CTNNA3: variants seen among roughly 807,000 people sequenced by gnomAD.
The protein encoded by CTNNA3 is catenin alpha-3.
CTNNA3 carries 76 observed loss-of-function variants against 95.7 expected under a neutral mutation model. The observed-to-expected ratio is 0.79, with a 90% CI of 0.66 to 0.96. CTNNA3 has a LOEUF of 0.96. CTNNA3 is among the 40% of genes least tolerant of loss of function. The pLI is 0.00. For synonymous variants in CTNNA3, 431 were observed against 374.4 expected (o/e 1.15, Z -1.74); for missense variants, 1,191 against 1,089.8 (o/e 1.09, Z -1.31).
intron 5 of CTNNA3, among the ~76,000 whole-genome samples, chr10:67,404,265 T>TAA (rs1845045923): frequency 6.6e-6 from 1 of 151,754 alleles, no homozygotes; most frequent in African/African-American, 2.4e-5. Flanking sequence ...TTCACTGAGC[T>TAA]AAAGGAGCAC....
chr10:66,401,369 T>TA (rs1487601648), intron 11 of CTNNA3, among the ~76,000 whole-genome samples: 4 of 151,922 alleles, frequency 2.6e-5, no homozygotes, highest in Non-Finnish European at 4.4e-5. Context: ...CTACTAAAAA[T>TA]AAAAAAATTA....
At chr10:67,370,901 C>G (rs1843407403) in intron 5 of CTNNA3, among the ~76,000 whole-genome samples, 1 of 145,862 alleles carries the variant, frequency 6.9e-6, no homozygotes, top group South Asian at 2.1e-4. Flanking sequence ...GAGTCTCGCT[C>G]TGTCGCCCAG....
chr10:66,579,211 T>C (rs1843106118), intron 10 of CTNNA3, among the ~76,000 whole-genome samples: 2 of 151,894 alleles, frequency 1.3e-5, no homozygotes, highest in South Asian at 4.1e-4. Context: ...TTGTATTTAT[T>C]TGGTTCTTCT....
intron 11 of CTNNA3, among the ~76,000 whole-genome samples, chr10:66,476,225 T>C (rs1235200569): frequency 2.0e-5 from 3 of 151,668 alleles, no homozygotes; most frequent in Non-Finnish European, 4.4e-5. Context: ...ACGGGGGATG[T>C]GGGGAGGGAG....
chr10:66,052,612 A>C (rs553159049), intron 15 of CTNNA3, among the ~76,000 whole-genome samples: 1 of 152,282 alleles, frequency 6.6e-6, no homozygotes, highest in East Asian at 1.9e-4. Context: ...CCCTCCCTCT[A>C]TAACATTTCC....
chr10:66,379,225 A>T lies in CTNNA3; in HGVS notation c.1659T>A (p.Gly553=). Residue 553 remains glycine (G), a synonymous_variant, in exon 12 of 18, where the codon GGT becomes GGA. Coordinates refer to ENST00000433211, the MANE Select transcript of CTNNA3 (RefSeq NM_013266.4). The stretch of plus-strand genomic sequence containing the variant: ...CCCCTGGCTCGTAACTGTCCATTTC[A>T]CCCGTGACGATGTGAGCAACTCTTG... The part of the protein sequence containing the change: ...RAARVAHIVT[G]EMDSYEPGAY... 6.2e-7 allele frequency: 1 copy of T among 1,614,070 alleles called. No homozygotes were observed. Among genetic ancestry groups the T allele is most frequent in the African/African-American group, 1.3e-5 (1 of 75,026 alleles).
intron 5 of CTNNA3, among the ~76,000 whole-genome samples, chr10:67,335,889 T>C (rs1167431630): frequency 6.6e-6 from 1 of 151,994 alleles, no homozygotes; most frequent in Non-Finnish European, 1.5e-5. Flanking sequence ...AAATAGTGTT[T>C]TTTTTTTTTT....
intron 9 of CTNNA3, among the ~76,000 whole-genome samples, chr10:66,678,822 T>C (rs1402529624): frequency 2.0e-5 from 3 of 152,062 alleles, no homozygotes; most frequent in Non-Finnish European, 4.4e-5. Context: ...GAAAAACATG[T>C]GTATGAGAGT....
intron 7 of CTNNA3, among the ~76,000 whole-genome samples, chr10:66,951,921 CT>C (rs541632879): frequency 6.6e-6 from 1 of 152,292 alleles, no homozygotes; most frequent in Admixed American, 6.5e-5. Context: ...GAACCTTCAT[CT>C]TTAATGGACA....
At chr10:67,543,616 T>A (rs1236036523) in intron 3 of CTNNA3, among the ~76,000 whole-genome samples, 1 of 152,154 alleles carries the variant, frequency 6.6e-6, no homozygotes, top group African/African-American at 2.4e-5. Flanking sequence ...AACTTTTACT[T>A]GACATTATGT....
chr10:66,598,293 C>A (rs1262898499), intron 10 of CTNNA3, among the ~76,000 whole-genome samples: 1 of 152,052 alleles, frequency 6.6e-6, no homozygotes, highest in African/African-American at 2.4e-5. Flanking sequence ...GACAAATCCA[C>A]AGCTAACATC....
chr10:67,079,203 T>A (rs2131872900), intron 7 of CTNNA3, among the ~76,000 whole-genome samples: 1 of 152,316 alleles, frequency 6.6e-6, no homozygotes, highest in South Asian at 2.1e-4. Context: ...TATGCAAGGT[T>A]AACTTATGAG....
At chr10:66,410,450 G>A (rs1308014467) in intron 11 of CTNNA3, among the ~76,000 whole-genome samples, 1 of 152,120 alleles carries the variant, frequency 6.6e-6, no homozygotes, top group African/African-American at 2.4e-5. Flanking sequence ...GAGTATGCTA[G>A]TCCCACCCTG....
chr10:67,368,515 G>T (rs1470693861), intron 5 of CTNNA3, among the ~76,000 whole-genome samples: 1 of 152,148 alleles, frequency 6.6e-6, no homozygotes, highest in African/African-American at 2.4e-5. Context: ...CTAGATATTT[G>T]CTCAAGATAA....
intron 17 of CTNNA3, among the ~76,000 whole-genome samples, chr10:65,955,350 TC>T (rs1289869320): frequency 6.6e-6 from 1 of 152,160 alleles, no homozygotes; most frequent in Admixed American, 6.5e-5. Context: ...CAATTTGACT[TC>T]CTCTTTTCCT....
chr10:66,621,203 A>G (rs144769797), intron 10 of CTNNA3, among the ~76,000 whole-genome samples: 2,746 of 152,318 alleles, frequency 0.018, 56 homozygotes, highest in Non-Finnish European at 0.023. Context: ...CTAAAAATAA[A>G]TCAAATCATT....
chr10:66,737,803 C>T (rs956189969), intron 9 of CTNNA3, among the ~76,000 whole-genome samples: 2 of 152,056 alleles, frequency 1.3e-5, no homozygotes, highest in African/African-American at 4.8e-5. Context: ...GGATTACAGG[C>T]ATGTGCCACC....
intron 9 of CTNNA3, among the ~76,000 whole-genome samples, chr10:66,683,858 C>A (rs1847152980): frequency 6.6e-6 from 1 of 151,972 alleles, no homozygotes; most frequent in Non-Finnish European, 1.5e-5. Flanking sequence ...ATGTAGGATA[C>A]CCCAAAAGGC....
chr10:66,857,485 A>T (rs1233488305), intron 7 of CTNNA3, among the ~76,000 whole-genome samples: 4 of 152,032 alleles, frequency 2.6e-5, no homozygotes. Context: ...TTAAATCCGT[A>T]AATTGCTTTG....
Sources: allele counts gnomAD v4.1 joint callset (sites outside exome capture counted in the v4.1 genomes callset), GRCh38; gene constraint gnomAD v4.1.1; transcripts MANE v1.5; gene names NCBI Gene and HGNC (gene_info 2026-07-23, HGNC 2026-07-21).